Variants in PRKD1 observed in about 807,000 individuals in gnomAD.
PRKD1 encodes protein kinase D1, also known as serine/threonine-protein kinase D1.
In PRKD1, 63 loss-of-function variants were observed where a neutral mutation model predicts 95.9. The ratio of observed to expected loss-of-function variants is 0.66; its 90% CI spans 0.54 to 0.81. The LOEUF is 0.81. Ranked by LOEUF, PRKD1 falls within the 30% of genes least tolerant of loss-of-function variation. The pLI is 0.00. For synonymous variants in PRKD1, 425 were observed against 423.1 expected (o/e 1.00, Z -0.05); for missense variants, 1,048 against 1,165.3 (o/e 0.90, Z 1.47).
chr14:29,875,882 C>T (rs1444036229), intron 1 of PRKD1, among the ~76,000 whole-genome samples: 1 of 152,184 alleles, frequency 6.6e-6, no homozygotes, highest in Non-Finnish European at 1.5e-5. Flanking sequence ...TTCAAGTCTT[C>T]TCCAAGCTCC....
chr14:29,696,705 T>A (rs1261677015), intron 2 of PRKD1, among the ~76,000 whole-genome samples: 1 of 152,190 alleles, frequency 6.6e-6, no homozygotes, highest in African/African-American at 2.4e-5. Context: ...ATGAAGTAAA[T>A]CACTTTCTAT....
At chr14:29,652,494 G>C (rs951846023) in intron 4 of PRKD1, among the ~76,000 whole-genome samples, 2 of 152,106 alleles carry the variant, frequency 1.3e-5, no homozygotes, top group African/African-American at 4.8e-5. Flanking sequence ...CTCAAAGCAG[G>C]CCTCACAATC....
At chr14:29,895,128 G>A (rs1470318137) in intron 1 of PRKD1, among the ~76,000 whole-genome samples, 1 of 152,006 alleles carries the variant, frequency 6.6e-6, no homozygotes, top group East Asian at 1.9e-4. Context: ...TCAGGGGTTC[G>A]AGACCAGCCT....
rs1264254616 is a variant in PRKD1 at position 29,927,394 on chromosome 14, G to T, written c.119C>A (p.Ala40Asp). 6.5e-7 allele frequency: 1 copy of T among 1,542,088 alleles called. No homozygotes were observed. Residue 40 changes from alanine to aspartate, a missense_variant, in exon 1 of 18, where the codon GCT (alanine) becomes GAT (aspartate). By Grantham distance (126) the Ala-to-Asp change is moderately radical. Around this residue, in one of 3 missense-constraint regions of PRKD1, gnomAD observed 275 missense variants for 248.6 expected, o/e 1.11. Transcript: ENST00000331968. ...GCCCCCGACCGGGGCCGCGACAGGA[G>T]CCAAGAACGGCGCGGGCCCGGGCCC... ...GSGPGPAPFL[A>D]PVAAPVGGIS...
chr14:29,835,987 G>A (rs114045520), intron 1 of PRKD1, among the ~76,000 whole-genome samples: 3,591 of 152,268 alleles, frequency 0.024, 139 homozygotes, highest in African/African-American at 0.081. Flanking sequence ...AAGTAAAAAT[G>A]TATAAGAAAT....
At chr14:29,720,874 T>C (rs1296296529) in intron 2 of PRKD1, among the ~76,000 whole-genome samples, 1 of 152,102 alleles carries the variant, frequency 6.6e-6, no homozygotes, top group Non-Finnish European at 1.5e-5. Flanking sequence ...GATACTACCT[T>C]CCTGAGAAAT....
At chr14:29,739,892 TAATA>T (rs1282367047) in intron 1 of PRKD1, among the ~76,000 whole-genome samples, 2 of 152,184 alleles carry the variant, frequency 1.3e-5, no homozygotes, top group Non-Finnish European at 2.9e-5. Context: ...AGATATGACT[TAATA>T]AATCATTAAC....
intron 1 of PRKD1, among the ~76,000 whole-genome samples, chr14:29,772,140 G>A (rs1196856687): frequency 1.3e-5 from 2 of 152,162 alleles, no homozygotes; most frequent in Admixed American, 6.5e-5. Context: ...GGGGGATATT[G>A]GGATGGAATC....
At chr14:29,838,001 G>T (rs973753532) in intron 1 of PRKD1, among the ~76,000 whole-genome samples, 2 of 152,124 alleles carry the variant, frequency 1.3e-5, no homozygotes, top group African/African-American at 4.8e-5. Flanking sequence ...CTGTGGGCTT[G>T]GGAAACTATC....
intron 1 of PRKD1, among the ~76,000 whole-genome samples, chr14:29,786,360 G>A (rs1889273445): frequency 6.6e-6 from 1 of 152,092 alleles, no homozygotes; most frequent in African/African-American, 2.4e-5. Context: ...ATTTTAGACT[G>A]GGTTAGGAAG....
intron 1 of PRKD1, among the ~76,000 whole-genome samples, chr14:29,877,877 T>C (rs1893356439): frequency 6.6e-6 from 1 of 152,076 alleles, no homozygotes; most frequent in Non-Finnish European, 1.5e-5. Flanking sequence ...CTATACACAA[T>C]AGCAATGACA....
At chr14:29,626,305 A>C (rs1374339879) in intron 12 of PRKD1, among the ~76,000 whole-genome samples, 179 bp downstream of exon 12, 3 of 152,172 alleles carry the variant, frequency 2.0e-5, no homozygotes, top group Non-Finnish European at 4.4e-5. Flanking sequence ...CACATATCCC[A>C]ATTTTCCAAG....
intron 1 of PRKD1, among the ~76,000 whole-genome samples, chr14:29,828,028 A>G (rs970276424): frequency 2.0e-5 from 3 of 151,656 alleles, no homozygotes; most frequent in Admixed American, 1.3e-4. Flanking sequence ...CTATTCCTAC[A>G]TTTATTCTCC....
chr14:29,680,215 T>C (rs1301594677), intron 2 of PRKD1, among the ~76,000 whole-genome samples: 10 of 152,154 alleles, frequency 6.6e-5, no homozygotes, highest in African/African-American at 1.2e-4. Context: ...ACATGTAACA[T>C]GTGCAATTAA....
At chr14:29,620,316 T>C (rs1202824086) in intron 13 of PRKD1, among the ~76,000 whole-genome samples, 2 of 151,566 alleles carry the variant, frequency 1.3e-5, no homozygotes, top group East Asian at 1.9e-4. Flanking sequence ...AAAGCCAAAA[T>C]TGACAAATGG....
intron 13 of PRKD1, among the ~76,000 whole-genome samples, chr14:29,606,298 C>G (rs779755537): frequency 1.7e-4 from 26 of 152,168 alleles, no homozygotes; most frequent in Non-Finnish European, 3.4e-4. Flanking sequence ...CAGGCATGAG[C>G]CACCACACCT....
At chr14:29,755,520 C>A (rs766637566) in intron 1 of PRKD1, among the ~76,000 whole-genome samples, 55 of 152,000 alleles carry the variant, frequency 3.6e-4, no homozygotes, top group Non-Finnish European at 7.5e-4. Context: ...GGAAAAAAAA[C>A]AAACTTACCC....
At chr14:29,594,005 T>A (rs1406752098) in intron 16 of PRKD1, 2 of 357,882 alleles carry the variant, frequency 5.6e-6, no homozygotes, top group African/African-American at 4.3e-5. Flanking sequence ...TATAAATGAT[T>A]TCCAGTCTAA....
Position 29,790,007 on chromosome 14 carries a change from CTT to C in PRKD1, c.265-64335_265-64334del, listed in dbSNP as rs34880091. 3.2e-3 allele frequency among the ~76,000 whole-genome samples: 310 copies of C among 97,262 alleles called. 1 individual carries two copies. The highest frequency in any genetic ancestry group is 0.016 in the East Asian group (48 of 2,924). 63.8% of individuals were successfully genotyped at this position (97,262 alleles called of 152,430 possible). A position where few individuals can be genotyped will look rare whatever the true frequency, so the allele number is the denominator to read the frequency against. On this transcript the variant is annotated intron_variant, in intron 1 of 17. Coordinates refer to ENST00000331968, the MANE Select transcript of PRKD1 (RefSeq NM_002742.3). The stretch of plus-strand genomic sequence containing the variant: ...TTAGAAGCATTACCAAGCAAGTTGT[CTT>C]TTTTTTTTTTTTTTTTTTTTTGAGA...
Sources: allele counts gnomAD v4.1 joint callset (sites outside exome capture counted in the v4.1 genomes callset), GRCh38; gene constraint gnomAD v4.1.1; regional missense constraint gnomAD v4.1.1; transcripts MANE v1.5; gene names NCBI Gene and HGNC (gene_info 2026-07-23, HGNC 2026-07-21).